The following ATP11A variants were observed in gnomAD, a reference collection of about 807,000 sequenced individuals.
ATP11A encodes the protein phospholipid-transporting ATPase IH.
In ATP11A, 81 loss-of-function variants were observed where a neutral mutation model predicts 154.4. The observed-to-expected ratio is 0.52, with a 90% CI of 0.44 to 0.63. ATP11A has a LOEUF of 0.63. Among genes scored for constraint, ATP11A ranks in the 30% least tolerant of loss-of-function variants. ATP11A has a pLI of 0.00. For synonymous variants in ATP11A, 623 were observed against 585.9 expected (o/e 1.06, Z -0.91); for missense variants, 1,316 against 1,474.3 (o/e 0.89, Z 1.76).
At chr13:112,879,473 T>G (rs567104960) in intron 29 of ATP11A, among the ~76,000 whole-genome samples, 14 of 152,358 alleles carry the variant, frequency 9.2e-5, no homozygotes, top group African/African-American at 3.4e-4. Context: ...CTTAAGAAAC[T>G]GATTAAATCA....
At chr13:112,728,917 G>A (rs1170532488) in intron 1 of ATP11A, among the ~76,000 whole-genome samples, 7 of 152,160 alleles carry the variant, frequency 4.6e-5, no homozygotes, top group Non-Finnish European at 8.8e-5. Flanking sequence ...TCCCTCCTGG[G>A]GGTGGCCCAC....
chr13:112,876,617 G>A (rs2080733339), intron 28 of ATP11A, among the ~76,000 whole-genome samples: 1 of 152,214 alleles, frequency 6.6e-6, no homozygotes. Context: ...TATTAACAAT[G>A]CAAGTTTTCA....
At chr13:112,755,198 C>T (rs1249883788) in intron 1 of ATP11A, among the ~76,000 whole-genome samples, 1 of 152,192 alleles carries the variant, frequency 6.6e-6, no homozygotes, top group Non-Finnish European at 1.5e-5. Flanking sequence ...ATTCTCAGTT[C>T]ATGGACCACA....
chr13:112,759,513 G>A (rs114195761), intron 1 of ATP11A, among the ~76,000 whole-genome samples: 1,545 of 152,308 alleles, frequency 0.01, 28 homozygotes, highest in African/African-American at 0.034. Flanking sequence ...CAGCTGTGAC[G>A]ATGACTTTTC....
chr13:112,790,839 T>C (rs1488626072), intron 2 of ATP11A, among the ~76,000 whole-genome samples: 5 of 152,230 alleles, frequency 3.3e-5, no homozygotes, highest in Non-Finnish European at 7.3e-5. Flanking sequence ...GGTCACCTTT[T>C]CAAAGCCTTT....
Position 112,883,110 on chromosome 13 carries a change from G to A in ATP11A, c.*1244G>A, listed in dbSNP as rs935757548. The A allele has an allele frequency of 2.5e-5, 6 of 241,002 alleles. No individual in the cohort carries two copies. Among genetic ancestry groups the A allele is most frequent in the African/African-American group, 5.8e-5 (1 of 17,268 alleles). The allele number at this position is 241,002 out of a possible 1,614,324, so 14.9% of individuals were successfully genotyped here. Reference sequence around the variant, plus strand: ...CCTTGTCCTGTCACCTCGTCCCCACGTCCCCTCGTCTCCTCATCCCCACGT... The same window carrying A: ...CCTTGTCCTGTCACCTCGTCCCCACATCCCCTCGTCTCCTCATCCCCACGT... On this transcript the variant is annotated 3_prime_UTR_variant, in exon 30 of 30. Transcript: ENST00000375645.
chr13:112,747,620 G>C (rs1222014185), intron 1 of ATP11A, among the ~76,000 whole-genome samples: 11 of 152,216 alleles, frequency 7.2e-5, no homozygotes. Context: ...CGGATCACTT[G>C]AGGTCAGGAG....
At chr13:112,788,575 C>CG (rs552529335) in intron 2 of ATP11A, among the ~76,000 whole-genome samples, 1,591 of 150,456 alleles carry the variant, frequency 0.011, 36 homozygotes, top group African/African-American at 0.037. Context: ...TAATTCACAC[C>CG]TGTGTCCTGA....
chr13:112,809,353 T>C (rs1594766698), intron 4 of ATP11A, among the ~76,000 whole-genome samples: 1 of 152,154 alleles, frequency 6.6e-6, no homozygotes, highest in Non-Finnish European at 1.5e-5. Flanking sequence ...GCTTCTTAAT[T>C]CTCCAGAAGC....
chr13:112,704,021 A>G lies in ATP11A; in HGVS notation c.39+13566A>G, dbSNP rs150349139. Among the ~76,000 whole-genome samples, 772 of 152,240 alleles carry G rather than the reference A, an allele frequency of 5.1e-3. 6 individuals are homozygous for G. Among genetic ancestry groups the G allele is most frequent in the African/African-American group, 0.018 (733 of 41,538 alleles). The stretch of plus-strand genomic sequence containing the variant: ...GGAGGAGGACGTCTTACCGTTGACA[A>G]AATTGGACCGTGCTAGTTGGAAGTT... On this transcript the variant is annotated intron_variant, in intron 1 of 29. Coordinates refer to ENST00000375645, the MANE Select transcript of ATP11A (RefSeq NM_015205.3).
chr13:112,843,055 C>T (rs972127695), intron 17 of ATP11A, among the ~76,000 whole-genome samples: 8 of 151,306 alleles, frequency 5.3e-5, no homozygotes, highest in Non-Finnish European at 1.2e-4. Context: ...ACCTTAACTC[C>T]GGGTGATGCG....
At chr13:112,828,018 C>T (rs2078976793) in intron 12 of ATP11A, among the ~76,000 whole-genome samples, 1 of 152,228 alleles carries the variant, frequency 6.6e-6, no homozygotes, top group Non-Finnish European at 1.5e-5. Flanking sequence ...ATTTTGTGAG[C>T]TTCTGATAAA....
intron 2 of ATP11A, among the ~76,000 whole-genome samples, chr13:112,790,351 G>A (rs2077813440): frequency 6.6e-6 from 1 of 150,524 alleles, no homozygotes; most frequent in Non-Finnish European, 1.5e-5. Context: ...ATTCACACCG[G>A]GTGTCCTGCC....
In ATP11A at chr13:112,826,778, A is replaced by G. The variant is rs1210996026; in HGVS notation, c.1108A>G (p.Met370Val). Residue 370 changes from methionine (M) to valine (V), a missense_variant, in exon 12 of 30, where the codon ATG becomes GTG. This residue lies in a region of ATP11A where 876 missense variants were observed against 1,006.8 expected (regional missense o/e 0.87). Coordinates refer to ENST00000375645, the MANE Select transcript of ATP11A (RefSeq NM_015205.3). Reference sequence around the variant, plus strand: ...TGTGTCCATGTACGTCACGGTCGAGATGCAGAAGTTCCTCGGCTCTTACTT... The same window carrying G: ...TGTGTCCATGTACGTCACGGTCGAGGTGCAGAAGTTCCTCGGCTCTTACTT... ...IPVSMYVTVE[M>V]QKFLGSYFIT... is the part of the protein sequence containing the mutation. 1.2e-6 allele frequency: 2 copies of G among 1,614,130 alleles called. No homozygotes were observed. The highest frequency in any genetic ancestry group is 2.2e-5 in the East Asian group (1 of 44,872).
chr13:112,757,060 C>A (rs2076858177), intron 1 of ATP11A, among the ~76,000 whole-genome samples: 1 of 152,256 alleles, frequency 6.6e-6, no homozygotes, highest in Non-Finnish European at 1.5e-5. Flanking sequence ...CATGAGATAG[C>A]ATGCTAAGTG....
chr13:112,846,722 CT>C (rs2079620310), intron 17 of ATP11A, among the ~76,000 whole-genome samples: 2 of 152,218 alleles, frequency 1.3e-5, no homozygotes. Flanking sequence ...TGCCTGTGGG[CT>C]TTGTTGGATG....
At chr13:112,700,354 G>A (rs1170337486) in intron 1 of ATP11A, among the ~76,000 whole-genome samples, 1 of 152,214 alleles carries the variant, frequency 6.6e-6, no homozygotes. Context: ...GCCTGGGACA[G>A]GCGGGTCCTG....
At chr13:112,701,185 G>A (rs920628621) in intron 1 of ATP11A, among the ~76,000 whole-genome samples, 2 of 152,160 alleles carry the variant, frequency 1.3e-5, no homozygotes, top group African/African-American at 4.8e-5. Context: ...ATTTCTCCAT[G>A]TCCCCTGCAA....
intron 12 of ATP11A, 98 bp from the exon 13 acceptor site, chr13:112,831,277 C>T (rs1193788038): frequency 7.5e-6 from 10 of 1,337,936 alleles, no homozygotes; most frequent in Non-Finnish European, 9.4e-6. Context: ...ATTCAAGTCA[C>T]AGTGGGAGCT....
Sources: allele counts gnomAD v4.1 joint callset (sites outside exome capture counted in the v4.1 genomes callset), GRCh38; gene constraint gnomAD v4.1.1; regional missense constraint gnomAD v4.1.1; transcripts MANE v1.5; gene names NCBI Gene and HGNC (gene_info 2026-07-23, HGNC 2026-07-21).